The following ITK variants were observed in gnomAD, a reference collection of about 807,000 sequenced individuals.
ITK encodes the protein tyrosine-protein kinase ITK/TSK.
In ITK, 45 loss-of-function variants were observed where a neutral mutation model predicts 87.6. That is an observed-to-expected ratio of 0.51 (90% CI 0.40 to 0.66). The LOEUF (loss-of-function observed/expected upper bound fraction) is 0.66, where lower values mean the gene tolerates loss of function less well. ITK is among the 30% of genes least tolerant of loss of function. ITK has a pLI of 0.00. For synonymous variants in ITK, 303 were observed against 273.6 expected, an observed-to-expected ratio of 1.11 and a Z score of -1.06; for missense variants, 605 against 766.3, an observed-to-expected ratio of 0.79 and a Z score of 2.48.
chr5:157,251,376 T>G (rs1435298674), intron 16 of ITK, among the ~76,000 whole-genome samples: 2 of 152,236 alleles, frequency 1.3e-5, no homozygotes, highest in Non-Finnish European at 2.9e-5. Context: ...GTTTTAAGAG[T>G]TCTTTGTATA....
At position 157,238,184 on chromosome 5, in the gene ITK, G is replaced by C. The variant is rs202191474; in HGVS notation, c.844G>C (p.Val282Leu). 2 of 1,612,700 alleles carry C rather than the reference G, an allele frequency of 1.2e-6. No individual in the cohort carries two copies. Among genetic ancestry groups the C allele is most frequent in the Admixed American group, 1.7e-5 (1 of 60,000 alleles). ...CACCGTGTCTGTTTTCACCAAGGCT[G>C]TTGTAAGGTATGGAGCTAACTCTGC... ...TYTVSVFTKA[V>L]VSENNPCIKH... is the part of the protein sequence containing the mutation. The change falls in exon 9 of 17, where the codon GTT (valine) becomes CTT (leucine). Residue 282 changes from valine to leucine, a missense_variant. Val to Leu is a conservative substitution (Grantham distance 32, BLOSUM62 1). This residue lies in a region of ITK where 464 missense variants were observed against 578.0 expected (regional missense o/e 0.80). Transcript: ENST00000422843.
At chr5:157,182,311 C>T (rs1455567819) in intron 1 of ITK, among the ~76,000 whole-genome samples, 1 of 151,962 alleles carries the variant, frequency 6.6e-6, no homozygotes, top group African/African-American at 2.4e-5. Context: ...CTTTGGTGTG[C>T]CAGGGTTTAA....
intron 6 of ITK, among the ~76,000 whole-genome samples, chr5:157,226,584 T>A (rs1754536286): frequency 6.6e-6 from 1 of 152,142 alleles, no homozygotes; most frequent in African/African-American, 2.4e-5. Context: ...ATGCCATGAT[T>A]GATTAGCAAT....
At chr5:157,192,629 C>T (rs1485353080) in intron 1 of ITK, among the ~76,000 whole-genome samples, 2 of 152,190 alleles carry the variant, frequency 1.3e-5, no homozygotes, top group Non-Finnish European at 2.9e-5. Flanking sequence ...ATTTAAAAAA[C>T]ATTTTAATAT....
At chr5:157,246,640 A>T (rs1048759102) in intron 15 of ITK, among the ~76,000 whole-genome samples, 2 of 152,190 alleles carry the variant, frequency 1.3e-5, no homozygotes, top group African/African-American at 4.8e-5. Context: ...AGTGACTAGG[A>T]TAGAGAGAGG....
intron 1 of ITK, among the ~76,000 whole-genome samples, chr5:157,203,113 A>T (rs1441626010): frequency 2.0e-5 from 3 of 152,106 alleles, no homozygotes; most frequent in Admixed American, 2.0e-4. Context: ...CTCTCCAGAG[A>T]GGTCTGCCTT....
In ITK at chr5:157,217,684, TA is replaced by T. The variant is rs1304183573; in HGVS notation, c.455-179del. Among the ~76,000 whole-genome samples, 10 of 152,288 alleles carry T rather than the reference TA, an allele frequency of 6.6e-5. No individual in the cohort carries two copies. The East Asian group carries it at 1.9e-3, about 29-fold the overall frequency. On this transcript the variant is annotated intron_variant, in intron 4 of 16. Coordinates refer to ENST00000422843, the MANE Select transcript of ITK (RefSeq NM_005546.4). ...TCAGAAACCAGCAGGCCCAAGGAGA[TA>T]AAAGACAGCTTCTGACAAGGCCAAG...
chr5:157,187,991 G>T (rs1222039914), intron 1 of ITK, among the ~76,000 whole-genome samples: 2 of 152,036 alleles, frequency 1.3e-5, no homozygotes, highest in Non-Finnish European at 2.9e-5. Context: ...TATAGAGACA[G>T]GGTCTCACTA....
At chr5:157,223,419 G>A (rs983380215) in intron 6 of ITK, among the ~76,000 whole-genome samples, 4 of 152,184 alleles carry the variant, frequency 2.6e-5, no homozygotes, top group African/African-American at 9.7e-5. Context: ...GAAAATGTGT[G>A]TATAGAGATG....
At chr5:157,222,639 G>A (rs957304994) in intron 5 of ITK, 66 of 568,160 alleles carry the variant, frequency 1.2e-4, no homozygotes, top group African/African-American at 1.1e-4. Flanking sequence ...TGAAAATCAC[G>A]TGGCTGCTTG....
chr5:157,190,192 C>T (rs1436255351), intron 1 of ITK, among the ~76,000 whole-genome samples: 2 of 152,118 alleles, frequency 1.3e-5, no homozygotes, highest in South Asian at 2.1e-4. Flanking sequence ...GTAGGCTTCT[C>T]ATTATATTTT....
intron 7 of ITK, 74 bp downstream of exon 7, chr5:157,228,435 T>A: frequency 1.1e-6 from 1 of 909,000 alleles, no homozygotes; most frequent in Non-Finnish European, 1.8e-6. Context: ...AATTATTGGT[T>A]GACTGTAAAA....
chr5:157,189,148 A>G (rs1053271606), intron 1 of ITK, among the ~76,000 whole-genome samples: 4 of 152,224 alleles, frequency 2.6e-5, no homozygotes, highest in Non-Finnish European at 5.9e-5. Flanking sequence ...CACAGTTTGC[A>G]TCTGTTTTAA....
intron 15 of ITK, 83 bp downstream of exon 15, chr5:157,246,082 C>A: frequency 1.1e-6 from 1 of 925,896 alleles, no homozygotes; most frequent in Non-Finnish European, 1.8e-6. Flanking sequence ...ACAACCCTAC[C>A]CACACTGAAC....
At chr5:157,223,264 A>T (rs1253593403) in intron 6 of ITK, among the ~76,000 whole-genome samples, 1 of 151,898 alleles carries the variant, frequency 6.6e-6, no homozygotes, top group Non-Finnish European at 1.5e-5. Context: ...CCAGACCCAA[A>T]CTCATCTAAA....
Position 157,240,214 on chromosome 5 carries a change from G to T in ITK, c.985+19G>T, listed in dbSNP as rs749826776. The T allele has an allele frequency of 4.3e-6, 7 of 1,613,668 alleles. No homozygotes were observed. On this transcript the variant is annotated intron_variant, in intron 10 of 16. Coordinates refer to ENST00000422843, the MANE Select transcript of ITK (RefSeq NM_005546.4). Reference sequence around the variant, plus strand: ...GGAGGAGGTAAGCTCTAGAGCAGGGGTGGACCCGGGCCGCCCAGCAGGAGG... The same window carrying T: ...GGAGGAGGTAAGCTCTAGAGCAGGGTTGGACCCGGGCCGCCCAGCAGGAGG...
intron 1 of ITK, among the ~76,000 whole-genome samples, chr5:157,192,408 G>A (rs772144332): frequency 6.6e-6 from 1 of 152,314 alleles, no homozygotes; most frequent in African/African-American, 2.4e-5. Context: ...CTGTTCCGTA[G>A]AAGTTAGTTT....
chr5:157,224,443 C>G lies in ITK; in HGVS notation c.647+1429C>G, dbSNP rs148052277. The G allele has an allele frequency of 3.3e-5, 5 of 152,238 alleles. No individual in the cohort carries two copies. The South Asian group carries it at 6.2e-4, about 19-fold the overall frequency. The allele number at this position is 152,238 out of a possible 1,614,324, so 9.4% of individuals were successfully genotyped here. A position where few individuals can be genotyped will look rare whatever the true frequency, so the allele number is the denominator to read the frequency against. On this transcript the variant is annotated intron_variant, in intron 6 of 16. Coordinates refer to ENST00000422843, the MANE Select transcript of ITK (RefSeq NM_005546.4). ...AATGATATTAATACACATTGAAGATCTTTTCATACCAGCACATGCAAATCT... is the reference window on the plus strand; with the variant it reads ...AATGATATTAATACACATTGAAGATGTTTTCATACCAGCACATGCAAATCT...
intron 16 of ITK, among the ~76,000 whole-genome samples, chr5:157,249,619 T>G (rs979001385): frequency 2.0e-5 from 3 of 152,204 alleles, no homozygotes; most frequent in Non-Finnish European, 4.4e-5. Flanking sequence ...TAATAAAAAT[T>G]CTGATCATTG....
Sources: allele counts gnomAD v4.1 joint callset (sites outside exome capture counted in the v4.1 genomes callset), GRCh38; gene constraint gnomAD v4.1.1; regional missense constraint gnomAD v4.1.1; transcripts MANE v1.5; gene names NCBI Gene and HGNC (gene_info 2026-07-23, HGNC 2026-07-21).